The following SLC17A1 variants were observed in gnomAD, a reference collection of about 807,000 sequenced individuals.
SLC17A1 encodes sodium-dependent phosphate transport protein 1.
A neutral mutation model predicts 53.5 loss-of-function variants in SLC17A1; 51 were observed. The ratio of observed to expected loss-of-function variants is 0.95; its 90% CI spans 0.76 to 1.20. The LOEUF (loss-of-function observed/expected upper bound fraction) is 1.20. Ranked by LOEUF, SLC17A1 falls within the 50% of genes most tolerant of loss-of-function variation. The pLI, the probability that SLC17A1 is intolerant of heterozygous loss-of-function variation, is 0.00. For missense variants in SLC17A1, 538 were observed against 568.2 expected (o/e 0.95, Z 0.54); for synonymous variants, 179 against 198.8 (o/e 0.90, Z 0.84).
At chr6:25,830,426 C>A in intron 2 of SLC17A1, 98 bp downstream of exon 2, 2 of 926,226 alleles carry the variant, frequency 2.2e-6, no homozygotes. Flanking sequence ...TTTTTAAGAC[C>A]CCATATGTAT....
chr6:25,743,425 T>TA, the SLC17A1 span, among the ~76,000 whole-genome samples: 5 of 151,900 alleles, frequency 3.3e-5, no homozygotes, highest in Non-Finnish European at 4.4e-5. Flanking sequence ...GCCAGAAACT[T>TA]AAAAAAAACT....
chr6:25,769,983 A>G, the SLC17A1 span: 20 of 1,166,882 alleles, frequency 1.7e-5, no homozygotes, highest in Admixed American at 9.3e-5. Context: ...ATAACTGCCA[A>G]TTAATTTTTG....
the SLC17A1 span, among the ~76,000 whole-genome samples, chr6:25,762,976 T>C: frequency 6.6e-6 from 1 of 152,200 alleles, no homozygotes; most frequent in South Asian, 2.1e-4. Context: ...CAAGGTGCAG[T>C]ATGGCATACT....
the SLC17A1 span, chr6:25,777,102 TA>T: frequency 1.1e-6 from 1 of 924,158 alleles, no homozygotes; most frequent in Non-Finnish European, 1.6e-6. Context: ...TACATCTAAA[TA>T]ATTCCTGGAA....
At chr6:25,778,086 C>T (rs986560909), downstream of SLC17A1, 46 of 1,157,720 alleles carry the variant, frequency 4.0e-5, 1 homozygote, top group Admixed American at 2.8e-4. Flanking sequence ...CACATATGCA[C>T]GGCCTTGTAT....
chr6:25,767,003 A>G, the SLC17A1 span, among the ~76,000 whole-genome samples: 1 of 152,170 alleles, frequency 6.6e-6, no homozygotes, highest in Non-Finnish European at 1.5e-5. Context: ...AGGTTTATTA[A>G]TTGCAACAAA....
At chr6:25,825,094 C>T (rs1198052875) in intron 3 of SLC17A1, among the ~76,000 whole-genome samples, 1 of 151,936 alleles carries the variant, frequency 6.6e-6, no homozygotes, top group Non-Finnish European at 1.5e-5. Flanking sequence ...TTACTTCTAA[C>T]TTATCTGAGT....
intron 5 of SLC17A1, 71 bp downstream of exon 5, chr6:25,819,440 T>C: frequency 1.6e-6 from 2 of 1,240,966 alleles, no homozygotes; most frequent in Non-Finnish European, 2.3e-6. Flanking sequence ...ACATTTCTTA[T>C]GGCTCTAGGG....
chr6:25,831,797 C>A (rs1432808260), intron 1 of SLC17A1, among the ~76,000 whole-genome samples, 197 bp downstream of exon 1: 1 of 152,158 alleles, frequency 6.6e-6, no homozygotes, highest in Admixed American at 6.5e-5. Flanking sequence ...TCCCTGTGAA[C>A]CTCACACTGA....
chr6:25,805,135 C>T (rs1053520530), intron 10 of SLC17A1, among the ~76,000 whole-genome samples: 2 of 151,920 alleles, frequency 1.3e-5, no homozygotes, highest in Non-Finnish European at 2.9e-5. Context: ...TGATAGGCCA[C>T]AAAAAAGTCT....
chr6:25,791,128 T>C (rs1186295486), intron 12 of SLC17A1, among the ~76,000 whole-genome samples: 4 of 152,160 alleles, frequency 2.6e-5, no homozygotes, highest in Non-Finnish European at 5.9e-5. Flanking sequence ...ATCATGTTCT[T>C]ATATCAGTAT....
intron 2 of SLC17A1, 70 bp downstream of exon 2, chr6:25,830,454 C>T: frequency 8.4e-7 from 1 of 1,193,614 alleles, no homozygotes; most frequent in Non-Finnish European, 1.3e-6. Flanking sequence ...AAATATTCTT[C>T]CACATGGAAT....
At chr6:25,770,026 C>G in the SLC17A1 span, 3 of 1,581,784 alleles carry the variant, frequency 1.9e-6, no homozygotes, top group Non-Finnish European at 1.7e-6. Context: ...AACTGTCAAT[C>G]CTTCAACTAA....
rs562721745 is a variant in SLC17A1 at position 25,799,540 on chromosome 6, C to T, written c.1270-621G>A. Among the ~76,000 whole-genome samples the T allele has an allele frequency of 2.0e-5, 3 of 152,288 alleles. No homozygotes were observed. In the East Asian group the frequency reaches 5.8e-4, roughly 29 times the overall value. On this transcript the variant is annotated intron_variant, in intron 11 of 12. Transcript: ENST00000244527. The stretch of plus-strand genomic sequence containing the variant: ...AGGAGAACCAGAAAAGTTATTGCAG[C>T]TGCAATAATTGACTTCCCAGGCTTG...
intron 10 of SLC17A1, among the ~76,000 whole-genome samples, chr6:25,801,329 G>C (rs952834615): frequency 6.6e-6 from 1 of 152,146 alleles, no homozygotes; most frequent in South Asian, 2.1e-4. Flanking sequence ...AAAAATTGAA[G>C]GGCTTTGTTC....
chr6:25,819,529 T>C lies in SLC17A1; in HGVS notation c.511A>G (p.Thr171Ala). 6.2e-7 allele frequency: 1 copy of C among 1,613,700 alleles called. No homozygotes were observed. Among genetic ancestry groups the C allele is most frequent in the Non-Finnish European group, 8.5e-7 (1 of 1,179,596 alleles). The change falls in exon 5 of 13, where the codon ACT becomes GCT. Residue 171 changes from threonine to alanine, a missense_variant. Thr to Ala is a moderately conservative substitution (Grantham distance 58). Coordinates refer to ENST00000244527, the MANE Select transcript of SLC17A1 (RefSeq NM_005074.5). Reference sequence around the variant, plus strand: ...TCTTTACCTGATGTACTCATAGAAGTAAGTCGGCCTCGTTCCAGGGGAGGA... The same window carrying C: ...TCTTTACCTGATGTACTCATAGAAGCAAGTCGGCCTCGTTCCAGGGGAGGA... ...WAPPLERGRL[T>A]SMSTSGFLLG...
At chr6:25,831,762 C>T (rs1360221772) in intron 1 of SLC17A1, among the ~76,000 whole-genome samples, 2 of 152,138 alleles carry the variant, frequency 1.3e-5, no homozygotes, top group Non-Finnish European at 2.9e-5. Context: ...ACACACTGTA[C>T]AACACATACT....
rs2151492913 is a variant in SLC17A1 at position 25,813,012 on chromosome 6, G to T, written c.736-20C>A. 2 of 1,613,672 alleles carry T rather than the reference G, an allele frequency of 1.2e-6. No individual in the cohort carries two copies. Among genetic ancestry groups the T allele is most frequent in the East Asian group, 4.5e-5 (2 of 44,858 alleles). ...ACTGACCTGGAGAGAAATTCATTAA[G>T]AATTAGCACATTAGAACAAACTGGA... On this transcript the variant is annotated intron_variant, in intron 7 of 12. Coordinates refer to ENST00000244527, the MANE Select transcript of SLC17A1 (RefSeq NM_005074.5).
chr6:25,807,139 A>G (rs1210320942), intron 10 of SLC17A1, among the ~76,000 whole-genome samples: 1 of 152,214 alleles, frequency 6.6e-6, no homozygotes, highest in Non-Finnish European at 1.5e-5. Flanking sequence ...AAGAATTGAA[A>G]GTAGATCTAC....
Sources: gnomAD v4.1 joint callset for allele counts (sites outside exome capture counted in the v4.1 genomes callset) on GRCh38, gnomAD v4.1.1 for gene constraint, MANE v1.5 for transcripts, NCBI Gene and HGNC (gene_info 2026-07-23, HGNC 2026-07-21) for gene names.